CNTNAP5: variants seen among roughly 807,000 people sequenced by gnomAD.
CNTNAP5 encodes the protein contactin-associated protein-like 5.
In CNTNAP5, 72 loss-of-function variants were observed where a neutral mutation model predicts 150.2. The ratio of observed to expected loss-of-function variants is 0.48; its 90% CI spans 0.40 to 0.58. The LOEUF (loss-of-function observed/expected upper bound fraction) is 0.58, where lower values mean the gene tolerates loss of function less well. Among genes scored for constraint, CNTNAP5 ranks in the 20% least tolerant of loss-of-function variants. CNTNAP5 has a pLI of 0.00. For missense variants in CNTNAP5, 1,636 were observed against 1,626.2 expected (o/e 1.01, Z -0.10); for synonymous variants, 672 against 619.8 (o/e 1.08, Z -1.25).
chr2:124,600,475 G>A (rs558839084), intron 11 of CNTNAP5, among the ~76,000 whole-genome samples: 60 of 152,148 alleles, frequency 3.9e-4, no homozygotes, highest in Middle Eastern at 3.4e-3. Context: ...TAAATCTACA[G>A]TAGCACATCC....
chr2:124,249,093 A>T (rs191924220), intron 3 of CNTNAP5, among the ~76,000 whole-genome samples: 3 of 152,200 alleles, frequency 2.0e-5, no homozygotes, highest in Non-Finnish European at 2.9e-5. Context: ...ATCTTGCCCA[A>T]ATTCCTACCT....
chr2:124,035,126 G>A (rs1296331088), intron 1 of CNTNAP5, among the ~76,000 whole-genome samples: 2 of 151,054 alleles, frequency 1.3e-5, no homozygotes, highest in African/African-American at 4.9e-5. Flanking sequence ...TTGATAAGAA[G>A]AAAGATTAGA....
At chr2:124,480,558 T>C (rs1200317151) in intron 7 of CNTNAP5, among the ~76,000 whole-genome samples, 1 of 152,142 alleles carries the variant, frequency 6.6e-6, no homozygotes, top group Non-Finnish European at 1.5e-5. Flanking sequence ...ACAGGCACCT[T>C]TATCTTACCT....
intron 22 of CNTNAP5, among the ~76,000 whole-genome samples, chr2:124,908,151 T>C (rs1349756780): frequency 1.3e-5 from 2 of 151,924 alleles, no homozygotes; most frequent in East Asian, 3.9e-4. Context: ...GGAGGGCAGA[T>C]CACAAGGTGA....
chr2:124,664,414 C>A (rs1375114851), intron 13 of CNTNAP5, among the ~76,000 whole-genome samples: 3 of 151,842 alleles, frequency 2.0e-5, no homozygotes, highest in Non-Finnish European at 4.4e-5. Flanking sequence ...AACAGAACAT[C>A]TTAATGGCTT....
chr2:124,393,544 A>G (rs575934783), intron 3 of CNTNAP5, among the ~76,000 whole-genome samples: 128 of 152,352 alleles, frequency 8.4e-4, no homozygotes, highest in Non-Finnish European at 8.8e-4. Context: ...TGCTAGACCT[A>G]TGCATGGGGT....
chr2:124,199,617 G>A (rs890010669), intron 1 of CNTNAP5, among the ~76,000 whole-genome samples: 24 of 151,864 alleles, frequency 1.6e-4, no homozygotes, highest in South Asian at 2.1e-4. Context: ...GTTTCTCCAT[G>A]TTGGTCAGGC....
At chr2:124,461,033 G>A (rs993060668) in intron 6 of CNTNAP5, among the ~76,000 whole-genome samples, 1 of 152,174 alleles carries the variant, frequency 6.6e-6, no homozygotes, top group African/African-American at 2.4e-5. Flanking sequence ...AACAACAGGT[G>A]CTGGAGAGGA....
intron 3 of CNTNAP5, among the ~76,000 whole-genome samples, chr2:124,331,072 CT>C (rs200912382): frequency 5.3e-5 from 8 of 151,750 alleles, no homozygotes; most frequent in Non-Finnish European, 1.2e-4. Flanking sequence ...TGTCGGAGTC[CT>C]TTTTTTTCCA....
At chr2:124,631,872 C>T (rs756837435) in intron 12 of CNTNAP5, among the ~76,000 whole-genome samples, 6 of 152,032 alleles carry the variant, frequency 3.9e-5, no homozygotes, top group Non-Finnish European at 8.8e-5. Context: ...AGCAAACTCA[C>T]AAGAAAATAA....
At chr2:124,137,736 T>C (rs1684009575) in intron 1 of CNTNAP5, among the ~76,000 whole-genome samples, 1 of 152,148 alleles carries the variant, frequency 6.6e-6, no homozygotes. Context: ...GAGAAAATGG[T>C]GGACTTGTAC....
At chr2:124,311,581 G>T (rs988074389) in intron 3 of CNTNAP5, among the ~76,000 whole-genome samples, 1 of 152,140 alleles carries the variant, frequency 6.6e-6, no homozygotes, top group Non-Finnish European at 1.5e-5. Context: ...CACATTGGGG[G>T]CTAAGGTTTC....
chr2:124,365,807 A>G (rs1188089172), intron 3 of CNTNAP5, among the ~76,000 whole-genome samples: 3 of 152,230 alleles, frequency 2.0e-5, no homozygotes, highest in African/African-American at 7.2e-5. Flanking sequence ...CAGTATGTTA[A>G]TAAGTGTATG....
chr2:124,038,719 C>T (rs1001156338), intron 1 of CNTNAP5, among the ~76,000 whole-genome samples: 4 of 152,192 alleles, frequency 2.6e-5, no homozygotes, highest in Non-Finnish European at 5.9e-5. Flanking sequence ...TAGAATCCTA[C>T]CATCCAGCCT....
rs919467292 is a variant in CNTNAP5, at chr2:124,393,348, C to T, written c.382-24095C>T. Among the ~76,000 whole-genome samples the T allele has an allele frequency of 3.9e-5, 6 of 152,228 alleles. No homozygotes were observed. The South Asian group carries it at 8.3e-4, about 21-fold the overall frequency. The stretch of plus-strand genomic sequence containing the variant: ...CTTCAAATTCACCTTGGTTGCTGCT[C>T]TTCATCTCAGCTGGGACTCCTGCCC... On this transcript the variant is annotated intron_variant, in intron 3 of 23. Coordinates refer to ENST00000682447, the MANE Select transcript of CNTNAP5 (RefSeq NM_001367498.1).
chr2:124,904,540 A>T (rs1046635916), intron 22 of CNTNAP5, among the ~76,000 whole-genome samples: 2 of 152,292 alleles, frequency 1.3e-5, no homozygotes, highest in Admixed American at 6.5e-5. Flanking sequence ...ACATAGACTA[A>T]TAGAATGGAA....
At chr2:124,125,207 G>A (rs1233028779) in intron 1 of CNTNAP5, among the ~76,000 whole-genome samples, 3 of 152,080 alleles carry the variant, frequency 2.0e-5, no homozygotes, top group Admixed American at 6.6e-5. Flanking sequence ...AAAATAAAGG[G>A]ATGGAGGAAG....
intron 19 of CNTNAP5, among the ~76,000 whole-genome samples, chr2:124,832,040 A>G (rs1231802825): frequency 6.6e-6 from 1 of 152,090 alleles, no homozygotes; most frequent in Non-Finnish European, 1.5e-5. Context: ...TACTTATAAA[A>G]AGAATACACA....
intron 13 of CNTNAP5, among the ~76,000 whole-genome samples, chr2:124,724,851 C>A (rs1207487117): frequency 6.6e-6 from 1 of 150,844 alleles, no homozygotes; most frequent in Admixed American, 6.6e-5. Context: ...AATTCGAAGG[C>A]AACTCCTTTA....
Sources: allele counts gnomAD v4.1 joint callset (sites outside exome capture counted in the v4.1 genomes callset), GRCh38; gene constraint gnomAD v4.1.1; transcripts MANE v1.5; gene names NCBI Gene and HGNC (gene_info 2026-07-23, HGNC 2026-07-21).